ZFPM2: variants seen among roughly 807,000 people sequenced by gnomAD.
ZFPM2 encodes the protein zinc finger protein, FOG family member 2.
Under a neutral mutation model 98.6 loss-of-function variants are expected in ZFPM2, and 20 were observed. The observed-to-expected ratio is 0.20, with a 90% CI of 0.14 to 0.29. The LOEUF is 0.29. Among genes scored for constraint, ZFPM2 ranks in the 10% least tolerant of loss-of-function variants. ZFPM2 has a pLI of 1.00. For synonymous variants in ZFPM2, 518 were observed against 502.7 expected (o/e 1.03, Z -0.41); for missense variants, 1,310 against 1,388.6 (o/e 0.94, Z 0.90).
At chr8:105,505,774 A>G (rs1813686831) in intron 3 of ZFPM2, among the ~76,000 whole-genome samples, 1 of 152,204 alleles carries the variant, frequency 6.6e-6, no homozygotes, top group African/African-American at 2.4e-5. Context: ...CAATTTATAC[A>G]CAAAAGGCAA....
chr8:105,646,878 C>T (rs1817058379), intron 5 of ZFPM2, among the ~76,000 whole-genome samples: 1 of 152,148 alleles, frequency 6.6e-6, no homozygotes, highest in Admixed American at 6.5e-5. Context: ...CCTGTCTTTG[C>T]TGAGCCTGTG....
intron 4 of ZFPM2, among the ~76,000 whole-genome samples, chr8:105,580,817 C>CTATATATA (rs1333995271): frequency 8.9e-6 from 1 of 112,172 alleles, no homozygotes; most frequent in African/African-American, 3.9e-5. Context: ...CTCTCTCTCT[C>CTATATATA]TCTCTCTCTC....
intron 3 of ZFPM2, among the ~76,000 whole-genome samples, chr8:105,536,233 G>A (rs73306208): frequency 9.2e-5 from 14 of 152,090 alleles, no homozygotes; most frequent in Admixed American, 7.9e-4. Context: ...TAATTTTACT[G>A]CTTAATAATG....
At chr8:105,524,535 T>C (rs1814131788) in intron 3 of ZFPM2, among the ~76,000 whole-genome samples, 1 of 152,072 alleles carries the variant, frequency 6.6e-6, no homozygotes, top group Non-Finnish European at 1.5e-5. Flanking sequence ...TATTCAATTT[T>C]AGCATTGAAA....
At chr8:105,447,886 T>C (rs1304654906) in intron 3 of ZFPM2, among the ~76,000 whole-genome samples, 1 of 152,130 alleles carries the variant, frequency 6.6e-6, no homozygotes, top group Non-Finnish European at 1.5e-5. Flanking sequence ...GAAAGTACTT[T>C]TTCCCTTATG....
chr8:105,400,258 ATTTAT>A (rs1361458470), intron 1 of ZFPM2, among the ~76,000 whole-genome samples: 6 of 151,436 alleles, frequency 4.0e-5, no homozygotes, highest in South Asian at 2.1e-4. Flanking sequence ...TTTTATTTTT[ATTTAT>A]TTTATTTTTT....
At chr8:105,576,182 C>A (rs1344639679) in intron 4 of ZFPM2, among the ~76,000 whole-genome samples, 2 of 152,096 alleles carry the variant, frequency 1.3e-5, no homozygotes, top group African/African-American at 4.8e-5. Flanking sequence ...AATATATACG[C>A]AGAGCAATTA....
chr8:105,472,814 C>T (rs570169884), intron 3 of ZFPM2, among the ~76,000 whole-genome samples: 3 of 151,546 alleles, frequency 2.0e-5, no homozygotes, highest in South Asian at 2.1e-4. Flanking sequence ...GGCCTCACTC[C>T]TTGTGTTTTG....
chr8:105,351,521 G>A (rs185248320), intron 1 of ZFPM2, among the ~76,000 whole-genome samples: 3 of 152,050 alleles, frequency 2.0e-5, no homozygotes, highest in African/African-American at 4.8e-5. Flanking sequence ...TTGTACTTAC[G>A]TAAAAGATCC....
At chr8:105,399,890 C>T (rs1811302717) in intron 1 of ZFPM2, among the ~76,000 whole-genome samples, 2 of 152,018 alleles carry the variant, frequency 1.3e-5, no homozygotes, top group Non-Finnish European at 1.5e-5. Flanking sequence ...CTCAGCCTCC[C>T]GAATAGTTGG....
intron 4 of ZFPM2, among the ~76,000 whole-genome samples, chr8:105,572,738 G>A (rs187284848): frequency 6.6e-6 from 1 of 152,132 alleles, no homozygotes. Context: ...CCAAAATGCT[G>A]GGATTACAGG....
intron 3 of ZFPM2, among the ~76,000 whole-genome samples, chr8:105,475,767 T>G (rs561654205): frequency 6.6e-6 from 1 of 152,258 alleles, no homozygotes; most frequent in African/African-American, 2.4e-5. Context: ...TTTTACCCAT[T>G]AACTTATTGA....
chr8:105,549,525 T>TCCTTCCTG (rs1814795397), intron 3 of ZFPM2, among the ~76,000 whole-genome samples: 1 of 116,608 alleles, frequency 8.6e-6, no homozygotes, highest in African/African-American at 3.3e-5. Context: ...CCATCTTCCT[T>TCCTTCCTG]CCTTCCTTCC....
chr8:105,417,297 T>G (rs949430716), intron 1 of ZFPM2, among the ~76,000 whole-genome samples: 1 of 152,198 alleles, frequency 6.6e-6, no homozygotes, highest in East Asian at 1.9e-4. Context: ...CACTGGATTA[T>G]TTTAAAGATC....
chr8:105,778,228 T>C (rs556714171), intron 5 of ZFPM2, among the ~76,000 whole-genome samples: 1 of 152,276 alleles, frequency 6.6e-6, no homozygotes, highest in Non-Finnish European at 1.5e-5. Flanking sequence ...CCTGTGTTCA[T>C]GCCTAGACCC....
chr8:105,422,047 C>CAAAAAA (rs747630701), intron 2 of ZFPM2, among the ~76,000 whole-genome samples: 1 of 51,536 alleles, frequency 1.9e-5, no homozygotes, highest in African/African-American at 6.2e-5. Context: ...GACTCCATCT[C>CAAAAAA]AAAAAAAAAA....
intron 1 of ZFPM2, among the ~76,000 whole-genome samples, chr8:105,373,380 A>T (rs976966823): frequency 6.6e-6 from 1 of 152,134 alleles, no homozygotes; most frequent in Admixed American, 6.6e-5. Context: ...CCTTTCTTCA[A>T]TTTTATTTTT....
At chr8:105,356,898 G>A (rs1490965143) in intron 1 of ZFPM2, among the ~76,000 whole-genome samples, 1 of 151,976 alleles carries the variant, frequency 6.6e-6, no homozygotes, top group Non-Finnish European at 1.5e-5. Context: ...CCTTCCTCAA[G>A]TCTACCAGGC....
At chr8:105,764,983 C>T (rs1014885025) in intron 5 of ZFPM2, among the ~76,000 whole-genome samples, 11 of 151,752 alleles carry the variant, frequency 7.2e-5, no homozygotes, top group African/African-American at 2.7e-4. Context: ...TGATTTAAAA[C>T]AGTTAGTACT....
Sources: allele counts gnomAD v4.1 joint callset (sites outside exome capture counted in the v4.1 genomes callset), GRCh38; gene constraint gnomAD v4.1.1; transcripts MANE v1.5; gene names NCBI Gene and HGNC (gene_info 2026-07-23, HGNC 2026-07-21).